Variants in MAST2 observed in about 807,000 individuals in gnomAD.
MAST2 encodes the protein microtubule associated serine/threonine kinase 2.
In MAST2, 70 loss-of-function variants were observed where a neutral mutation model predicts 147.4. That is an observed-to-expected ratio of 0.47 (90% confidence interval 0.39 to 0.58). The LOEUF (loss-of-function observed/expected upper bound fraction) is 0.58, where lower values mean the gene tolerates loss of function less well. MAST2 is among the 20% of genes least tolerant of loss of function. MAST2 has a pLI of 0.00. For missense variants in MAST2, 2,080 were observed against 2,302.3 expected (o/e 0.90, Z 1.98); for synonymous variants, 869 against 896.8 (o/e 0.97, Z 0.55).
At chr1:46,030,976 G>A in intron 22 of MAST2, 31 bp from the exon 23 acceptor site, 1 of 1,602,706 alleles carries the variant, frequency 6.2e-7, no homozygotes, top group South Asian at 1.1e-5. Flanking sequence ...GGACCACCTG[G>A]GTCACTCACC....
At chr1:45,863,819 G>T (rs1384881987) in intron 3 of MAST2, among the ~76,000 whole-genome samples, 1 of 152,152 alleles carries the variant, frequency 6.6e-6, no homozygotes, top group Admixed American at 6.6e-5. Context: ...CCTGAATTTT[G>T]TAGGAGAGTA....
In MAST2 at chr1:46,002,888, G is replaced by A. The variant is rs372387385; in HGVS notation, c.747+5G>A. ...ACTCCTAGCTCCACTGTCTCAGTAA[G>A]TAGCCAAATCTGTGGCCATACTTCC... On this transcript the variant is annotated splice_donor_5th_base_variant and intron_variant, in intron 7 of 28. Coordinates refer to ENST00000361297, the MANE Select transcript of MAST2 (RefSeq NM_015112.3). The A allele has an allele frequency of 6.2e-7, 1 of 1,613,980 alleles. No homozygotes were observed. Among genetic ancestry groups the A allele is most frequent in the Non-Finnish European group, 8.5e-7 (1 of 1,179,854 alleles).
chr1:45,876,550 A>C (rs1646615181), intron 3 of MAST2, among the ~76,000 whole-genome samples: 1 of 152,222 alleles, frequency 6.6e-6, no homozygotes, highest in African/African-American at 2.4e-5. Context: ...GAAGGTTATG[A>C]GTAAAATAAT....
chr1:45,982,215 C>T (rs1644439227), intron 5 of MAST2, among the ~76,000 whole-genome samples: 1 of 152,128 alleles, frequency 6.6e-6, no homozygotes, highest in African/African-American at 2.4e-5. Context: ...AAGTAGCACA[C>T]ATTTTTAGGC....
intron 4 of MAST2, among the ~76,000 whole-genome samples, chr1:45,928,454 A>C (rs1654751487): frequency 6.6e-6 from 1 of 152,248 alleles, no homozygotes; most frequent in Admixed American, 6.5e-5. Context: ...GTGGTGATAC[A>C]ATTTAGTGTC....
At chr1:45,854,481 A>G (rs367839048) in intron 3 of MAST2, among the ~76,000 whole-genome samples, 1 of 152,308 alleles carries the variant, frequency 6.6e-6, no homozygotes, top group East Asian at 1.9e-4. Context: ...AACATTGGGT[A>G]GAGTGATTCC....
At chr1:46,019,480 C>T (rs550088089) in intron 10 of MAST2, 116 bp from the exon 11 acceptor site, 68 of 745,696 alleles carry the variant, frequency 9.1e-5, no homozygotes, top group East Asian at 9.0e-4. Context: ...CCTTGCTTTG[C>T]GGAGCTCTCT....
At chr1:45,907,630 T>A (rs568309964) in intron 4 of MAST2, among the ~76,000 whole-genome samples, 1 of 152,220 alleles carries the variant, frequency 6.6e-6, no homozygotes, top group African/African-American at 2.4e-5. Flanking sequence ...TTAACTATAT[T>A]CACAATGTCA....
At chr1:45,926,887 A>G (rs571853438) in intron 4 of MAST2, among the ~76,000 whole-genome samples, 102 of 152,348 alleles carry the variant, frequency 6.7e-4, no homozygotes, top group African/African-American at 2.4e-3. Context: ...ATAATCCTGT[A>G]TGGCTAGATG....
At chr1:45,896,814 T>G (rs1648815584) in intron 4 of MAST2, among the ~76,000 whole-genome samples, 1 of 152,162 alleles carries the variant, frequency 6.6e-6, no homozygotes, top group African/African-American at 2.4e-5. Context: ...TCAAACAATA[T>G]TTGTATATGC....
At chr1:45,889,836 C>G (rs11211218) in intron 4 of MAST2, among the ~76,000 whole-genome samples, 51,584 of 151,654 alleles carry the variant, frequency 0.34, 9,171 homozygotes, top group African/African-American at 0.44. Context: ...GTCTCGAACT[C>G]CCAACCTCAG....
chr1:45,918,769 G>A (rs371464790), intron 4 of MAST2, among the ~76,000 whole-genome samples: 2 of 152,128 alleles, frequency 1.3e-5, no homozygotes, highest in Non-Finnish European at 2.9e-5. Flanking sequence ...GGTGAGATAA[G>A]TAGCCACTGG....
At position 45,971,105 on chromosome 1, in the gene MAST2, G is replaced by A. The variant is rs944834158; in HGVS notation, c.592+11628G>A. On this transcript the variant is annotated intron_variant, in intron 5 of 28. Coordinates refer to ENST00000361297, the MANE Select transcript of MAST2 (RefSeq NM_015112.3). ...TCCATAGGCTACCATAGAGCTGAAG[G>A]AGAGTTCTCAAGGAAGAACTAACTT... 2.0e-5 allele frequency among the ~76,000 whole-genome samples: 3 copies of A among 152,214 alleles called. No individual in the cohort carries two copies. The South Asian group carries it at 6.2e-4, about 32-fold the overall frequency.
At chr1:46,019,482 G>T in intron 10 of MAST2, 114 bp from the exon 11 acceptor site, 2 of 761,818 alleles carry the variant, frequency 2.6e-6, no homozygotes, top group Non-Finnish European at 4.3e-6. Flanking sequence ...TTGCTTTGCG[G>T]AGCTCTCTAT....
chr1:45,940,575 G>A (rs942569178), intron 4 of MAST2, among the ~76,000 whole-genome samples: 5 of 151,454 alleles, frequency 3.3e-5, no homozygotes, highest in South Asian at 2.1e-4. Flanking sequence ...TACAAACAGA[G>A]TAGAGTAGTC....
intron 1 of MAST2, among the ~76,000 whole-genome samples, chr1:45,812,501 C>T (rs1011474245): frequency 1.3e-5 from 2 of 149,770 alleles, no homozygotes; most frequent in Non-Finnish European, 3.0e-5. Flanking sequence ...CATCTTGGCT[C>T]ACTGCAACCT....
At chr1:45,889,640 T>A (rs1334810715) in intron 4 of MAST2, among the ~76,000 whole-genome samples, 1 of 152,144 alleles carries the variant, frequency 6.6e-6, no homozygotes, top group Non-Finnish European at 1.5e-5. Context: ...AGAATCTCAC[T>A]CTGTTGCCAG....
intron 5 of MAST2, among the ~76,000 whole-genome samples, chr1:45,962,609 G>A (rs1182790004): frequency 1.3e-5 from 2 of 152,180 alleles, no homozygotes; most frequent in African/African-American, 4.8e-5. Context: ...CCCACTTTGT[G>A]ATGGGGTTGT....
At chr1:45,815,225 A>G (rs1644417097) in intron 1 of MAST2, among the ~76,000 whole-genome samples, 3 of 150,654 alleles carry the variant, frequency 2.0e-5, no homozygotes, top group African/African-American at 7.4e-5. Context: ...TCTGGAGTGC[A>G]ATGGCGTGAT....
Sources: gnomAD v4.1 joint callset for allele counts (sites outside exome capture counted in the v4.1 genomes callset) on GRCh38, gnomAD v4.1.1 for gene constraint, MANE v1.5 for transcripts, NCBI Gene and HGNC (gene_info 2026-07-23, HGNC 2026-07-21) for gene names.